Variants in CFB observed in about 807,000 individuals in gnomAD.
CFB encodes complement factor B.
Under a neutral mutation model 97.2 loss-of-function variants are expected in CFB, and 59 were observed. That is an observed-to-expected ratio of 0.61 (90% CI 0.49 to 0.75). The LOEUF is 0.75. Among genes scored for constraint, CFB ranks in the 30% least tolerant of loss-of-function variants. The pLI, the probability that CFB is intolerant of heterozygous loss-of-function variation, is 0.00. For missense variants in CFB, 771 were observed against 959.8 expected, an observed-to-expected ratio of 0.80 and a Z score of 2.60; for synonymous variants, 316 against 351.7, an observed-to-expected ratio of 0.90 and a Z score of 1.14.
rs771789056 is a variant in CFB at position 31,946,239 on chromosome 6, C to T, written c.18C>T (p.Ser6=). 6.2e-7 allele frequency: 1 copy of T among 1,613,100 alleles called. No individual in the cohort carries two copies. The highest frequency in any genetic ancestry group is 2.2e-5 in the East Asian group (1 of 44,880). ...CCAACGCCATGGGGAGCAATCTCAG[C>T]CCCCAACTCTGCCTGATGCCCTTTA... MGSNL[S]PQLCLMPFIL... The change falls in exon 1 of 18, where the codon AGC becomes AGT. Residue 6 remains serine, a synonymous_variant. Coordinates refer to ENST00000425368, the MANE Select transcript of CFB (RefSeq NM_001710.6). The surrounding 1 kb of genome is among the most constrained non-coding windows in gnomAD (Gnocchi z 6.4).
At position 31,946,762 on chromosome 6, in the gene CFB, G is replaced by A; in HGVS notation, c.298+156G>A. On this transcript the variant is annotated intron_variant, in intron 2 of 17. Coordinates refer to ENST00000425368, the MANE Select transcript of CFB (RefSeq NM_001710.6). The surrounding 1 kb of genome is among the most constrained non-coding windows in gnomAD (Gnocchi z 6.4). ...GCAGGCGGAAAGGGGGCAAGAAAAA[G>A]CGGAGTTAACCCTTACTAAGCATTT... 1 of 833,254 alleles carries A rather than the reference G, an allele frequency of 1.2e-6. No homozygotes were observed. The highest frequency in any genetic ancestry group is 2.0e-6 in the Non-Finnish European group (1 of 506,554). The allele number at this position is 833,254 out of a possible 1,614,324, so 51.6% of individuals were successfully genotyped here. A position where few individuals can be genotyped will look rare whatever the true frequency, so the allele number is the denominator to read the frequency against.
Position 31,947,542 on chromosome 6 carries a change from C to T in CFB, c.658+21C>T, listed in dbSNP as rs149375424. On this transcript the variant is annotated intron_variant, in intron 4 of 17. Coordinates refer to ENST00000425368, the MANE Select transcript of CFB (RefSeq NM_001710.6). This position sits in a 1 kb window ranked among gnomAD's most constrained non-coding sequence, Gnocchi z 5.3. ...CCAAGGTGACCTTTGACCTGTACCC[C>T]CAGGTCAGATCCTGGTCTTCCATCC... 21 of 1,612,290 alleles carry T rather than the reference C, an allele frequency of 1.3e-5. No individual in the cohort carries two copies. The East Asian group carries it at 4.0e-4, about 31-fold the overall frequency.
At chr6:31,950,475 C>T (rs754461359) in intron 12 of CFB, 72 bp downstream of exon 12, 21 of 1,562,038 alleles carry the variant, frequency 1.3e-5, no homozygotes. Flanking sequence ...TCTACAGATC[C>T]TACACTCCAC....
intron 10 of CFB, 118 bp from the exon 11 acceptor site, chr6:31,949,932 C>G (rs528519983): frequency 4.3e-6 from 4 of 938,836 alleles, no homozygotes; most frequent in Non-Finnish European, 6.9e-6. Context: ...AACAAATACC[C>G]GTGGTCTTTC....
Position 31,950,052 on chromosome 6 carries a change from G to GAA in CFB, c.1413_1414dup (p.Ser472LysfsTer5). 1 of 1,613,022 alleles carries GAA rather than the reference G, an allele frequency of 6.2e-7. No homozygotes were observed. Among genetic ancestry groups the GAA allele is most frequent in the Non-Finnish European group, 8.5e-7 (1 of 1,180,012 alleles). On this transcript the variant is annotated frameshift_variant, in exon 11 of 18. Transcript: ENST00000425368. LOFTEE classifies it high-confidence loss of function. ...AGCACATTCTCCTTCTCTGCCAGATGAAAGCCAGTCTCTGAGTCTCTGTGG... is the reference window on the plus strand; with the variant it reads ...AGCACATTCTCCTTCTCTGCCAGATGAAAAAGCCAGTCTCTGAGTCTCTGTGG...
rs4151654 is a variant in CFB at position 31,949,139 on chromosome 6, A to G, written c.1169-104A>G. On this transcript the variant is annotated intron_variant, in intron 8 of 17. Transcript: ENST00000425368. ...TTCTTCCTAAGCCCTGTGATCAACT[A>G]TCTCTAACCCTTCCTCAACTTGCTC... is the stretch of plus-strand genomic sequence containing the variant. The G allele has an allele frequency of 7.0e-3, 9,988 of 1,431,874 alleles. 490 individuals are homozygous for G. In the African/African-American group the frequency reaches 0.12, roughly 17 times the overall value. 88.7% of individuals were successfully genotyped at this position (1,431,874 alleles called of 1,614,324 possible).
chr6:31,946,587 C>G lies in CFB; in HGVS notation c.279C>G (p.Val93=), dbSNP rs1250878292. 6.2e-7 allele frequency: 1 copy of G among 1,610,482 alleles called. No homozygotes were observed. The highest frequency in any genetic ancestry group is 8.5e-7 in the Non-Finnish European group (1 of 1,180,000). ...TGAAGACTCAAGACCAAAAGACTGT[C>G]AGGAAGGCAGAGTGCAGAGGTTTGA... ...STLKTQDQKT[V]RKAECRAIHC... is the part of the protein sequence containing the mutation. Residue 93 remains valine (V), a synonymous_variant, in exon 2 of 18, where the codon GTC becomes GTG. Transcript: ENST00000425368. The surrounding 1 kb of genome is among the most constrained non-coding windows in gnomAD (Gnocchi z 6.4).
At position 31,948,090 on chromosome 6, in the gene CFB, C is replaced by T; in HGVS notation, c.897+9C>T. 1 of 1,613,974 alleles carries T rather than the reference C, an allele frequency of 6.2e-7. No individual in the cohort carries two copies. Among genetic ancestry groups the T allele is most frequent in the East Asian group, 2.2e-5 (1 of 44,878 alleles). On this transcript the variant is annotated intron_variant, in intron 6 of 17. Transcript: ENST00000425368. ...TCAACTTAATTGAGAAGGTGGAATC[C>T]TCCTATCCCTGAACTCGGGGGAATG...
chr6:31,947,187 A>G lies in CFB; in HGVS notation c.479A>G (p.Asn160Ser), dbSNP rs777365717. The change falls in exon 3 of 18, where the codon AAC becomes AGC. Residue 160 changes from asparagine (N) to serine (S), a missense_variant. Physicochemically the swap from Asn to Ser is conservative, Grantham distance 46. Transcript: ENST00000425368. This position sits in a 1 kb window ranked among gnomAD's most constrained non-coding sequence, Gnocchi z 5.3. Reference protein sequence around the residue: ...RWSGQTAICDNGAGYCSNPGI... With the variant: ...RWSGQTAICDSGAGYCSNPGI... ...AGTGGGCAGACAGCGATCTGTGACA[A>G]CGGAGGTGAGAAGCATCCCCTCCCC... is the stretch of plus-strand genomic sequence containing the variant. 1.9e-6 allele frequency: 3 copies of G among 1,612,248 alleles called. No individual in the cohort carries two copies. In the African/African-American group the frequency reaches 4.0e-5, roughly 22 times the overall value.
At chr6:31,948,559 T>C in intron 7 of CFB, 47 bp downstream of exon 7, 1 of 1,612,182 alleles carries the variant, frequency 6.2e-7, no homozygotes, top group Non-Finnish European at 8.5e-7. Context: ...GGTCAGGAGG[T>C]TCAGGGTGGA....
At position 31,947,236 on chromosome 6, in the gene CFB, C is replaced by T. The variant is rs372715938; in HGVS notation, c.484+44C>T. The T allele has an allele frequency of 4.3e-5, 70 of 1,611,080 alleles. 1 individual carries two copies. Among genetic ancestry groups the T allele is most frequent in the Admixed American group, 1.0e-4 (6 of 59,992 alleles). On this transcript the variant is annotated intron_variant, in intron 3 of 17. Transcript: ENST00000425368. This position sits in a 1 kb window ranked among gnomAD's most constrained non-coding sequence, Gnocchi z 5.3. ...CCCTACATTGCTGTCTCCCTGACGG[C>T]GCCCAGCCCGAGGAGTGGGCACTCG...
chr6:31,947,632 C>T lies in CFB; in HGVS notation c.659-110C>T. On this transcript the variant is annotated intron_variant, in intron 4 of 17. Coordinates refer to ENST00000425368, the MANE Select transcript of CFB (RefSeq NM_001710.6). The surrounding 1 kb of genome is among the most constrained non-coding windows in gnomAD (Gnocchi z 5.3). ...ACTTTGTTTAAACCTCCCTGTACAA[C>T]TATCTCACTTCTGAGCCTTTTATAC... The T allele has an allele frequency of 6.3e-7, 1 of 1,575,804 alleles. No individual in the cohort carries two copies. Among genetic ancestry groups the T allele is most frequent in the Non-Finnish European group, 8.7e-7 (1 of 1,146,700 alleles).
At position 31,949,319 on chromosome 6, in the gene CFB, C is replaced by A. The variant is rs755221262; in HGVS notation, c.1245C>A (p.Arg415=). ...ACTTGCTATACATTGGCAAGGATCG[C>A]AAAAACCCAAGGGAGGATTATCTGG... ...IRDLLYIGKD[R]KNPREDYLDV... The change falls in exon 9 of 18, where the codon CGC becomes CGA. Residue 415 remains arginine (R), a synonymous_variant. Transcript: ENST00000425368. 1 of 1,614,114 alleles carries A rather than the reference C, an allele frequency of 6.2e-7. No homozygotes were observed. The highest frequency in any genetic ancestry group is 8.5e-7 in the Non-Finnish European group (1 of 1,180,008).
Position 31,950,877 on chromosome 6 carries a change from T to C in CFB, c.1788T>C (p.Cys596=), listed in dbSNP as rs1771719454. The C allele has an allele frequency of 6.2e-7, 1 of 1,612,844 alleles. No individual in the cohort carries two copies. The highest frequency in any genetic ancestry group is 1.7e-5 in the Admixed American group (1 of 59,994). ...TCCTTGTCCTTTATAGGCCCATTTG[T>C]CTCCCCTGCACCGAGGGAACAACTC... is the stretch of plus-strand genomic sequence containing the variant. ...LKYGQTIRPI[C]LPCTEGTTRA... is the part of the protein sequence containing the mutation. Residue 596 remains cysteine (C), a synonymous_variant, in exon 14 of 18, where the codon TGT becomes TGC. Transcript: ENST00000425368.
rs1488677322 is a variant in CFB, at chr6:31,950,759, G to A, written c.1765G>A (p.Gly589Ser). ...LIKLKNKLKY[G>S]QTIRPICLPC... ...CAAGCTCAAGAATAAGCTGAAATATGGCCAGACTATCAGGTGAGAGCGTCC... is the reference window on the plus strand; with the variant it reads ...CAAGCTCAAGAATAAGCTGAAATATAGCCAGACTATCAGGTGAGAGCGTCC... The change falls in exon 13 of 18, where the codon GGC (glycine) becomes AGC (serine). Residue 589 changes from glycine to serine, a missense_variant. Gly to Ser is a moderately conservative substitution (Grantham distance 56). Coordinates refer to ENST00000425368, the MANE Select transcript of CFB (RefSeq NM_001710.6). 1 of 1,613,054 alleles carries A rather than the reference G, an allele frequency of 6.2e-7. No individual in the cohort carries two copies.
chr6:31,949,876 C>T (rs1771643984), intron 10 of CFB, 174 bp from the exon 11 acceptor site: 1 of 749,710 alleles, frequency 1.3e-6, no homozygotes, highest in East Asian at 2.7e-5. Context: ...ATCCCAAGTT[C>T]TTTCCCTTTT....
At position 31,947,214 on chromosome 6, in the gene CFB, T is replaced by A. The variant is rs1771485920; in HGVS notation, c.484+22T>A. ...GGAGGTGAGAAGCATCCCCTCCCCC[T>A]ACATTGCTGTCTCCCTGACGGCGCC... On this transcript the variant is annotated intron_variant, in intron 3 of 17. Coordinates refer to ENST00000425368, the MANE Select transcript of CFB (RefSeq NM_001710.6). The surrounding 1 kb of genome is among the most constrained non-coding windows in gnomAD (Gnocchi z 5.3). 1.9e-6 allele frequency: 3 copies of A among 1,612,308 alleles called. No homozygotes were observed. The highest frequency in any genetic ancestry group is 1.7e-5 in the Admixed American group (1 of 59,998).
Position 31,951,916 on chromosome 6 carries a change from C to G in CFB, c.2181C>G (p.Asn727Lys). The stretch of plus-strand genomic sequence containing the variant: ...GGGGAGTAGTGGATGTCTGCAAAAA[C>G]CAGAAGCGGCAAAAGCAGGTACCTG... ...ISWGVVDVCKNQKRQKQVPAH... is the reference protein window; with the variant it reads ...ISWGVVDVCKKQKRQKQVPAH... Residue 727 changes from asparagine to lysine, a missense_variant, in exon 18 of 18, where the codon AAC becomes AAG. By Grantham distance (94) the Asn-to-Lys change is moderately conservative. Coordinates refer to ENST00000425368, the MANE Select transcript of CFB (RefSeq NM_001710.6). This position sits in a 1 kb window ranked among gnomAD's most constrained non-coding sequence, Gnocchi z 4.3. 6.2e-7 allele frequency: 1 copy of G among 1,613,138 alleles called. No individual in the cohort carries two copies. The highest frequency in any genetic ancestry group is 8.5e-7 in the Non-Finnish European group (1 of 1,180,046).
At position 31,951,386 on chromosome 6, in the gene CFB, AAAGTC is replaced by A. The variant is rs773290538; in HGVS notation, c.2006_2010del (p.Val669GlyfsTer21). 1 of 1,614,194 alleles carries A rather than the reference AAAGTC, an allele frequency of 6.2e-7. No homozygotes were observed. On this transcript the variant is annotated frameshift_variant, in exon 16 of 18. Coordinates refer to ENST00000425368, the MANE Select transcript of CFB (RefSeq NM_001710.6). LOFTEE classifies it high-confidence loss of function. The surrounding 1 kb of genome is among the most constrained non-coding windows in gnomAD (Gnocchi z 4.3). ...TGCTCAATATGCCCCAGGCTATGAC[AAAGTC>A]AAGGACATCTCAGAGGTGGTCACCC... is the stretch of plus-strand genomic sequence containing the variant.
Sources: gnomAD v4.1 joint callset for allele counts on GRCh38, gnomAD v4.1.1 for gene constraint, Gnocchi (gnomAD v3.1) non-coding constraint, MANE v1.5 for transcripts, NCBI Gene and HGNC (gene_info 2026-07-23, HGNC 2026-07-21) for gene names.